The following CDC14B variants were observed in gnomAD, a reference collection of about 807,000 sequenced individuals.
CDC14B encodes the protein cell division cycle 14B, also known as dual specificity protein phosphatase CDC14B.
A neutral mutation model predicts 64.2 loss-of-function variants in CDC14B; 22 were observed. The ratio of observed to expected loss-of-function variants is 0.34; its 90% confidence interval spans 0.24 to 0.49. The LOEUF (loss-of-function observed/expected upper bound fraction) is 0.49. Among genes scored for constraint, CDC14B ranks in the 20% least tolerant of loss-of-function variants. The pLI, the probability that CDC14B is intolerant of heterozygous loss-of-function variation, is 0.99. For missense variants in CDC14B, 498 were observed against 629.9 expected, an observed-to-expected ratio of 0.79 and a Z score of 2.24; for synonymous variants, 191 against 215.8, an observed-to-expected ratio of 0.89 and a Z score of 1.01.
chr9:96,549,861 A>G (rs1447671099), intron 5 of CDC14B, among the ~76,000 whole-genome samples: 1 of 152,218 alleles, frequency 6.6e-6, no homozygotes, highest in Non-Finnish European at 1.5e-5. Flanking sequence ...AAACATAGCA[A>G]GGCAGTAAGC....
chr9:96,595,623 A>G (rs1846024913), intron 1 of CDC14B, among the ~76,000 whole-genome samples: 1 of 152,238 alleles, frequency 6.6e-6, no homozygotes, highest in Admixed American at 6.5e-5. Flanking sequence ...TGCAATATTC[A>G]GCCATAAAAT....
intron 4 of CDC14B, among the ~76,000 whole-genome samples, chr9:96,559,296 AAC>A (rs1366711392): frequency 6.6e-6 from 1 of 152,236 alleles, no homozygotes; most frequent in Non-Finnish European, 1.5e-5. Context: ...GATAAAAATA[AAC>A]AGAGTCAGTC....
At chr9:96,505,788 G>A (rs1010900133) in intron 13 of CDC14B, among the ~76,000 whole-genome samples, 1 of 152,178 alleles carries the variant, frequency 6.6e-6, no homozygotes, top group Non-Finnish European at 1.5e-5. Flanking sequence ...CCTGGCCGCC[G>A]TCCCAGACCT....
chr9:96,535,577 G>C (rs1372272766), intron 7 of CDC14B, among the ~76,000 whole-genome samples: 1 of 152,178 alleles, frequency 6.6e-6, no homozygotes, highest in Non-Finnish European at 1.5e-5. Flanking sequence ...GAAGACACTT[G>C]ATAGTGCAGA....
intron 1 of CDC14B, among the ~76,000 whole-genome samples, chr9:96,568,377 T>C (rs947525902): frequency 1.3e-5 from 2 of 152,206 alleles, no homozygotes; most frequent in Admixed American, 6.5e-5. Context: ...TGGAAAAATA[T>C]GTTAAATTCA....
chr9:96,511,382 C>T (rs1233265140), intron 12 of CDC14B, among the ~76,000 whole-genome samples: 1 of 152,114 alleles, frequency 6.6e-6, no homozygotes, highest in African/African-American at 2.4e-5. Context: ...AGCAGCCTGG[C>T]CAAGATGGTG....
At chr9:96,543,984 C>G (rs966937299) in intron 5 of CDC14B, among the ~76,000 whole-genome samples, 4 of 151,882 alleles carry the variant, frequency 2.6e-5, no homozygotes, top group African/African-American at 9.7e-5. Context: ...TTTGGGAGGC[C>G]GAGGCAGGTG....
chr9:96,607,226 T>C (rs1334046494), intron 1 of CDC14B, among the ~76,000 whole-genome samples: 1 of 151,968 alleles, frequency 6.6e-6, no homozygotes, highest in Admixed American at 6.6e-5. Flanking sequence ...AATGGTTGTC[T>C]TCTGAATCCA....
chr9:96,518,582 G>A (rs948754921), intron 12 of CDC14B, among the ~76,000 whole-genome samples: 3 of 152,056 alleles, frequency 2.0e-5, no homozygotes, highest in South Asian at 2.1e-4. Context: ...GGGTGAACTC[G>A]AAATACAGCC....
In CDC14B at chr9:96,515,447, A is replaced by C. The variant is rs1835502027; in HGVS notation, c.1344-5658T>G. ...TTTAAAACAACGTATGTTACTTTCA[A>C]TATCCTTTCTATGAGAGGAACAGTG... On this transcript the variant is annotated intron_variant, in intron 12 of 13. Transcript: ENST00000375241. This position sits in a 1 kb window ranked among gnomAD's most constrained non-coding sequence, Gnocchi z 4.3. 1.3e-5 allele frequency among the ~76,000 whole-genome samples: 2 copies of C among 152,244 alleles called. No individual in the cohort carries two copies. Among genetic ancestry groups the C allele is most frequent in the East Asian group, 1.9e-4 (1 of 5,202 alleles).
rs1274420087 is a variant in CDC14B at position 96,522,592 on chromosome 9, A to G, written c.1257T>C (p.Asp419=). The stretch of plus-strand genomic sequence containing the variant: ...CTTGTGTCACTCCATTGATTTCGTC[A>G]TCATCACTGTACTGTGTAAGTAAAA... ...DQQEPEPYSD[D]DEINGVTQGD... is the part of the protein sequence containing the mutation. Residue 419 remains aspartate, a synonymous_variant, in exon 12 of 14, where the codon GAT becomes GAC. Transcript: ENST00000375241. 2 of 1,608,026 alleles carry G rather than the reference A, an allele frequency of 1.2e-6. No individual in the cohort carries two copies. Among genetic ancestry groups the G allele is most frequent in the Non-Finnish European group, 8.5e-7 (1 of 1,174,416 alleles).
At chr9:96,491,570 A>G (rs1366730281) in exon 14 of CDC14B, 1 of 152,190 alleles carries the variant, frequency 6.6e-6, no homozygotes, top group Non-Finnish European at 1.5e-5. Context: ...GATTTCTGAA[A>G]TCTGAACCTA....
chr9:96,607,770 G>C (rs1847066704), intron 1 of CDC14B, among the ~76,000 whole-genome samples: 1 of 152,146 alleles, frequency 6.6e-6, no homozygotes. Context: ...CGAGCAATGT[G>C]GGACGGGTCT....
At chr9:96,545,567 C>T (rs1050585756) in intron 5 of CDC14B, among the ~76,000 whole-genome samples, 1 of 152,162 alleles carries the variant, frequency 6.6e-6, no homozygotes, top group Non-Finnish European at 1.5e-5. Flanking sequence ...ATCCACCTAC[C>T]TTGGCCTTCC....
chr9:96,523,213 A>G (rs377385249), intron 11 of CDC14B, 48 bp downstream of exon 11: 81 of 1,594,906 alleles, frequency 5.1e-5, no homozygotes, highest in Non-Finnish European at 6.2e-5. Flanking sequence ...CAGGTTCTCA[A>G]TAGCAGTTAA....
At chr9:96,505,222 G>C (rs1387516802) in intron 13 of CDC14B, among the ~76,000 whole-genome samples, 1 of 151,446 alleles carries the variant, frequency 6.6e-6, no homozygotes, top group Non-Finnish European at 1.5e-5. Flanking sequence ...AAGAACCTGA[G>C]CATTTCTCTC....
rs556208612 is a variant in CDC14B, at chr9:96,577,079, C to A, written c.161-11596G>T. 1.6e-3 allele frequency among the ~76,000 whole-genome samples: 245 copies of A among 151,882 alleles called. 2 individuals carry two copies. The highest frequency in any genetic ancestry group is 0.01 in the Middle Eastern group (3 of 294). The stretch of plus-strand genomic sequence containing the variant: ...ACCAGCCTGGCCAACATGGTAAAAC[C>A]CCATCTCTACTAAAAATATAAAATG... On this transcript the variant is annotated intron_variant, in intron 1 of 13. Transcript: ENST00000375241.
At chr9:96,602,269 T>A (rs1462118656) in intron 1 of CDC14B, among the ~76,000 whole-genome samples, 2 of 152,146 alleles carry the variant, frequency 1.3e-5, no homozygotes, top group African/African-American at 2.4e-5. Flanking sequence ...ACTGAGAAGA[T>A]GCTGCTCATC....
chr9:96,581,828 C>T (rs919300230), intron 1 of CDC14B, among the ~76,000 whole-genome samples: 2 of 152,108 alleles, frequency 1.3e-5, no homozygotes, highest in African/African-American at 4.8e-5. Context: ...CTATTTCCTG[C>T]CAGGACAAGA....
Sources: gnomAD v4.1 joint callset for allele counts (sites outside exome capture counted in the v4.1 genomes callset) on GRCh38, gnomAD v4.1.1 for gene constraint, Gnocchi (gnomAD v3.1) non-coding constraint, MANE v1.5 for transcripts, NCBI Gene and HGNC (gene_info 2026-07-23, HGNC 2026-07-21) for gene names.